The following MYO19 variants were observed in gnomAD, a reference collection of about 807,000 sequenced individuals.
MYO19 encodes unconventional myosin-XIX.
MYO19 carries 132 observed loss-of-function variants against 129.2 expected under a neutral mutation model. The observed-to-expected ratio is 1.02, with a 90% CI of 0.89 to 1.18. MYO19 has a LOEUF of 1.18. Ranked by LOEUF, MYO19 falls within the 50% of genes most tolerant of loss-of-function variation. MYO19 has a pLI of 0.00. For synonymous variants in MYO19, 531 were observed against 477.2 expected (o/e 1.11, Z -1.47); for missense variants, 1,210 against 1,216.7 (o/e 0.99, Z 0.08).
chr17:36,509,287 G>C, intron 13 of MYO19, 152 bp from the exon 14 acceptor site: 1 of 671,118 alleles, frequency 1.5e-6, no homozygotes, highest in Non-Finnish European at 2.7e-6. Flanking sequence ...TCTTGCTTCC[G>C]GCCTATCACG....
Position 36,506,542 on chromosome 17 carries a change from A to G in MYO19, c.1711T>C (p.Phe571Leu). The stretch of plus-strand genomic sequence containing the variant: ...GTCTTCTCTTTGGGGTTAGTAGGAA[A>G]CAGCCCCATGAGCAGGGGGTCCTGG... ...QSQDPLLMGL[F>L]PTNPKEKTQE... Residue 571 changes from phenylalanine (F) to leucine (L), a missense_variant, in exon 18 of 26, where the codon TTT (phenylalanine) becomes CTT (leucine). By Grantham distance (22) the Phe-to-Leu change is conservative. Transcript: ENST00000614623. 6.3e-7 allele frequency: 1 copy of G among 1,594,542 alleles called. No individual in the cohort carries two copies. Among genetic ancestry groups the G allele is most frequent in the Non-Finnish European group, 8.5e-7 (1 of 1,172,834 alleles).
chr17:36,521,661 T>C (rs959279244), intron 6 of MYO19, among the ~76,000 whole-genome samples: 3 of 152,202 alleles, frequency 2.0e-5, no homozygotes, highest in Non-Finnish European at 2.9e-5. Context: ...CACAGCACTG[T>C]GAATTTTAAT....
At chr17:36,511,040 A>C in intron 12 of MYO19, 123 bp from the exon 13 acceptor site, 1 of 1,178,134 alleles carries the variant, frequency 8.5e-7, no homozygotes. Flanking sequence ...CTAAGTTCTG[A>C]TCAGTGAAGT....
chr17:36,522,512 A>G (rs1599377300), intron 6 of MYO19, among the ~76,000 whole-genome samples: 1 of 151,526 alleles, frequency 6.6e-6, no homozygotes, highest in South Asian at 2.1e-4. Flanking sequence ...CTTGGTCAAA[A>G]AAAAGAAAAA....
chr17:36,507,255 C>T, intron 16 of MYO19, 116 bp from the exon 17 acceptor site: 1 of 1,467,994 alleles, frequency 6.8e-7, no homozygotes, highest in East Asian at 2.3e-5. Context: ...TCATAGTGTC[C>T]CCAACAGAAA....
At chr17:36,511,013 A>G in intron 12 of MYO19, 96 bp from the exon 13 acceptor site, 2 of 1,364,782 alleles carry the variant, frequency 1.5e-6, no homozygotes, top group Admixed American at 2.3e-5. Context: ...TGACTTGCCC[A>G]ACTGGACAGA....
At chr17:36,524,449 G>A (rs1420070697) in intron 6 of MYO19, among the ~76,000 whole-genome samples, 3 of 152,216 alleles carry the variant, frequency 2.0e-5, no homozygotes, top group Non-Finnish European at 4.4e-5. Context: ...TGGAAAGGGC[G>A]AGGCAGCTGG....
chr17:36,538,367 G>A (rs1389949991), upstream of MYO19: 2 of 1,614,094 alleles, frequency 1.2e-6, no homozygotes, highest in Admixed American at 1.7e-5. Flanking sequence ...CAAATAAAAA[G>A]CATTCAGAAT....
At chr17:36,512,600 G>A in intron 11 of MYO19, 1 of 1,279,512 alleles carries the variant, frequency 7.8e-7, no homozygotes, top group Non-Finnish European at 1.0e-6. Flanking sequence ...CCGACTCCCA[G>A]TGTTGTCCAC....
intron 6 of MYO19, among the ~76,000 whole-genome samples, chr17:36,518,164 C>T (rs997107489): frequency 2.7e-5 from 4 of 150,684 alleles, no homozygotes; most frequent in South Asian, 2.1e-4. Flanking sequence ...TTTCTAATAC[C>T]GACTTGGTAA....
chr17:36,504,071 C>A (rs2142869283), intron 19 of MYO19, 51 bp from the exon 20 acceptor site: 1 of 1,392,116 alleles, frequency 7.2e-7, no homozygotes, highest in Non-Finnish European at 9.6e-7. Context: ...GGCCAGCAGG[C>A]CAGAAATGCC....
chr17:36,520,563 A>G (rs1198963516), intron 6 of MYO19, among the ~76,000 whole-genome samples: 1 of 151,940 alleles, frequency 6.6e-6, no homozygotes, highest in African/African-American at 2.4e-5. Context: ...CTTCTATTAT[A>G]CTTCCACTAC....
At chr17:36,534,209 T>C (rs1433316037) in intron 1 of MYO19, 105 bp from the exon 2 acceptor site, 1 of 152,356 alleles carries the variant, frequency 6.6e-6, no homozygotes, top group African/African-American at 2.4e-5. Flanking sequence ...TTTCTAGGCA[T>C]GGAGGACAGT....
At chr17:36,505,250 G>C in intron 19 of MYO19, 47 bp downstream of exon 19, 1 of 1,527,876 alleles carries the variant, frequency 6.5e-7, no homozygotes, top group Non-Finnish European at 9.1e-7. Context: ...CAGGGCCTTG[G>C]CCAGATGGGG....
chr17:36,522,025 C>A (rs1599373304), intron 6 of MYO19, among the ~76,000 whole-genome samples: 1 of 117,446 alleles, frequency 8.5e-6, no homozygotes, highest in Non-Finnish European at 1.7e-5. Flanking sequence ...GCAAGACTGT[C>A]TTTAAAAAAA....
chr17:36,542,132 A>G (rs1024430853), exon 2 of MYO19: 1 of 152,184 alleles, frequency 6.6e-6, no homozygotes, highest in Admixed American at 6.5e-5. Context: ...TTGAATTCCT[A>G]TTTGTCCAAA....
Position 36,515,224 on chromosome 17 carries a change from CAG to C in MYO19, c.548-44_548-43del, listed in dbSNP as rs767330458. On this transcript the variant is annotated intron_variant, in intron 7 of 25. Transcript: ENST00000614623. ...TGTTTATTTCACTCCCCTGGGTTTG[CAG>C]AGTCCTCATAAGCCAAGGTGGCTGC... 32 of 1,578,412 alleles carry C rather than the reference CAG, an allele frequency of 2.0e-5. No individual in the cohort carries two copies. In the African/African-American group the frequency reaches 4.0e-4, roughly 20 times the overall value.
chr17:36,524,897 T>C (rs1216236546), intron 6 of MYO19, among the ~76,000 whole-genome samples: 1 of 152,262 alleles, frequency 6.6e-6, no homozygotes, highest in Non-Finnish European at 1.5e-5. Flanking sequence ...TTAACCACTA[T>C]GCTGGAATCC....
chr17:36,518,510 AAAAAAAAAAAAAAAAAAATATAT>A, intron 6 of MYO19, among the ~76,000 whole-genome samples: 1 of 75,478 alleles, frequency 1.3e-5, no homozygotes, highest in African/African-American at 5.8e-5. Flanking sequence ...AAAAAAAAAA[AAAAAAAAAAAAAAAAAAATATAT>A]ATATATATAT....
Sources: gnomAD v4.1 joint callset for allele counts (sites outside exome capture counted in the v4.1 genomes callset) on GRCh38, gnomAD v4.1.1 for gene constraint, MANE v1.5 for transcripts, NCBI Gene and HGNC (gene_info 2026-07-23, HGNC 2026-07-21) for gene names.